CACNB2: variants seen among roughly 807,000 people sequenced by gnomAD.
CACNB2 encodes calcium voltage-gated channel auxiliary subunit beta 2.
In CACNB2, 42 loss-of-function variants were observed where a neutral mutation model predicts 73.3. The observed-to-expected ratio is 0.57, with a 90% CI of 0.45 to 0.74. The LOEUF is 0.74. CACNB2 is among the 30% of genes least tolerant of loss of function. CACNB2 has a pLI of 0.00. For missense variants in CACNB2, 940 were observed against 853.0 expected (o/e 1.10, Z -1.27); for synonymous variants, 348 against 310.3 (o/e 1.12, Z -1.28).
chr10:18,409,230 G>A (rs140541961), intron 3 of CACNB2, among the ~76,000 whole-genome samples: 34 of 152,004 alleles, frequency 2.2e-4, no homozygotes, highest in Middle Eastern at 3.4e-3. Context: ...ACCCGGAGGC[G>A]GAGGTTGCAG....
chr10:18,396,218 A>C (rs2043708907), intron 2 of CACNB2, among the ~76,000 whole-genome samples: 1 of 152,282 alleles, frequency 6.6e-6, no homozygotes, highest in Non-Finnish European at 1.5e-5. Context: ...CTGCCTCCCA[A>C]AGTGCTGGGA....
chr10:18,402,024 C>T lies in CACNB2; in HGVS notation c.314C>T (p.Ala105Val). ...VRREAERQAQ[A>V]QLEKAKTKPV... is the part of the protein sequence containing the mutation. ...AGAGAAGCGGAGCGGCAGGCCCAGG[C>T]ACAGTTGGAAAAAGCAAAGGTAAAA... is the stretch of plus-strand genomic sequence containing the variant. The change falls in exon 3 of 14, where the codon GCA (alanine) becomes GTA (valine). Residue 105 changes from alanine (A) to valine (V), a missense_variant. By Grantham distance (64) the Ala-to-Val change is moderately conservative. Transcript: ENST00000324631. The T allele has an allele frequency of 6.2e-7, 1 of 1,613,964 alleles. No homozygotes were observed. Among genetic ancestry groups the T allele is most frequent in the Non-Finnish European group, 8.5e-7 (1 of 1,179,968 alleles).
intron 3 of CACNB2, among the ~76,000 whole-genome samples, chr10:18,462,915 C>T (rs559239508): frequency 9.2e-5 from 14 of 151,990 alleles, no homozygotes; most frequent in African/African-American, 2.4e-4. Context: ...TGTGCCACCA[C>T]GCCCAGCTAA....
chr10:18,184,519 C>A (rs1266914998), intron 2 of CACNB2, among the ~76,000 whole-genome samples: 1 of 151,990 alleles, frequency 6.6e-6, no homozygotes, highest in East Asian at 1.9e-4. Context: ...AAAGTCCATA[C>A]TTTATTCAAA....
chr10:18,398,666 G>GTC (rs1463481356), intron 2 of CACNB2, among the ~76,000 whole-genome samples: 4 of 134,392 alleles, frequency 3.0e-5, no homozygotes, highest in Non-Finnish European at 6.5e-5. Context: ...CAGTGAGACT[G>GTC]TCACACACAC....
chr10:18,141,025 C>A (rs1306684133), intron 1 of CACNB2, 169 bp downstream of exon 1: 3 of 1,538,774 alleles, frequency 1.9e-6, no homozygotes, highest in East Asian at 2.4e-5. Context: ...TGCCCCTTTG[C>A]GCCTTTTCCT....
chr10:18,274,798 A>G (rs1398059670), intron 2 of CACNB2, among the ~76,000 whole-genome samples: 2 of 152,246 alleles, frequency 1.3e-5, no homozygotes, highest in Non-Finnish European at 2.9e-5. Flanking sequence ...ATGGACCAAA[A>G]AAACACTTAA....
chr10:18,286,410 C>A (rs190277537), intron 2 of CACNB2, among the ~76,000 whole-genome samples: 1,654 of 148,544 alleles, frequency 0.011, 13 homozygotes, highest in Non-Finnish European at 0.018. Context: ...CCCAGCTACT[C>A]GGGAGGCTGA....
At chr10:18,161,653 C>T (rs1328923403) in intron 2 of CACNB2, among the ~76,000 whole-genome samples, 3 of 151,304 alleles carry the variant, frequency 2.0e-5, no homozygotes, top group Non-Finnish European at 4.4e-5. Context: ...ATAACAACTG[C>T]CCCTTCCCAC....
intron 2 of CACNB2, chr10:18,260,596 C>T: frequency 1.0e-6 from 1 of 986,218 alleles, no homozygotes; most frequent in Non-Finnish European, 1.2e-6. Flanking sequence ...CCTAGGAATC[C>T]ACAGTGAATT....
intron 2 of CACNB2, among the ~76,000 whole-genome samples, chr10:18,205,144 A>C (rs970986926): frequency 7.2e-5 from 11 of 152,208 alleles, no homozygotes; most frequent in African/African-American, 2.7e-4. Context: ...CTTTCCTTTC[A>C]ACATATGTTA....
intron 9 of CACNB2, chr10:18,519,936 T>C (rs1214267765): frequency 3.0e-6 from 1 of 338,122 alleles, no homozygotes; most frequent in East Asian, 8.3e-5. Context: ...TGAAATACTT[T>C]GCTTGGTTTC....
rs1169176468 is a variant in CACNB2, at chr10:18,220,232, T to TAG, written c.213+69299_213+69300dup. Among the ~76,000 whole-genome samples the TAG allele has an allele frequency of 9.1e-3, 227 of 25,066 alleles. 3 individuals are homozygous for TAG. Among genetic ancestry groups the TAG allele is most frequent in the South Asian group, 0.013 (7 of 540 alleles). The allele number at this position is 25,066 out of a possible 152,430, so 16.4% of individuals were successfully genotyped here. Reference sequence around the variant, plus strand: ...ATATATATATATATATATATATATATAGAGAGAGAGAGAGAGAGAGAGAGA... The same window carrying TAG: ...ATATATATATATATATATATATATATAGAGAGAGAGAGAGAGAGAGAGAGAGA... On this transcript the variant is annotated intron_variant, in intron 2 of 13. Transcript: ENST00000324631.
At chr10:18,235,280 C>T (rs1327406219) in intron 2 of CACNB2, among the ~76,000 whole-genome samples, 1 of 151,914 alleles carries the variant, frequency 6.6e-6, no homozygotes, top group Non-Finnish European at 1.5e-5. Flanking sequence ...TAGCAAGACC[C>T]AGTCCCTATA....
rs547286702 is a variant in CACNB2 at position 18,153,540 on chromosome 10, G to C, written c.213+2565G>C. Among the ~76,000 whole-genome samples the C allele has an allele frequency of 2.4e-4, 36 of 150,680 alleles. 1 individual carries two copies. Among genetic ancestry groups the C allele is most frequent in the Non-Finnish European group, 4.9e-4 (33 of 67,800 alleles). The stretch of plus-strand genomic sequence containing the variant: ...TTTGCAGGAATGCATGGCAGATAGT[G>C]ACAATGGGCACACTAGATTTTACTT... On this transcript the variant is annotated intron_variant, in intron 2 of 13. Transcript: ENST00000324631.
At chr10:18,518,993 T>G (rs776225221) in intron 9 of CACNB2, 25 bp downstream of exon 9, 2 of 1,609,350 alleles carry the variant, frequency 1.2e-6, no homozygotes, top group Admixed American at 3.3e-5. Flanking sequence ...ATACTGGGTT[T>G]TGTGGATTTT....
At chr10:18,379,533 G>A (rs907994843) in intron 2 of CACNB2, among the ~76,000 whole-genome samples, 2 of 151,978 alleles carry the variant, frequency 1.3e-5, no homozygotes, top group African/African-American at 4.8e-5. Context: ...TCACTTTTAA[G>A]TGTACAGTTC....
chr10:18,324,606 AC>A (rs1303421759), intron 2 of CACNB2, among the ~76,000 whole-genome samples: 4 of 152,402 alleles, frequency 2.6e-5, no homozygotes, highest in African/African-American at 9.6e-5. Flanking sequence ...TAATCCCAAC[AC>A]TTTGGGAGGC....
intron 2 of CACNB2, among the ~76,000 whole-genome samples, chr10:18,305,907 G>A (rs2039709022): frequency 6.6e-6 from 1 of 152,120 alleles, no homozygotes. Flanking sequence ...GTTGGAGGCT[G>A]CAGTGAGCTA....
Sources: gnomAD v4.1 joint callset for allele counts (sites outside exome capture counted in the v4.1 genomes callset) on GRCh38, gnomAD v4.1.1 for gene constraint, MANE v1.5 for transcripts, NCBI Gene and HGNC (gene_info 2026-07-23, HGNC 2026-07-21) for gene names.